Variants in OSBPL5 observed in about 807,000 individuals in gnomAD.
The protein encoded by OSBPL5 is oxysterol-binding protein-related protein 5.
In OSBPL5, 71 loss-of-function variants were observed where a neutral mutation model predicts 111.2. The observed-to-expected ratio is 0.64, with a 90% confidence interval of 0.53 to 0.78. OSBPL5 has a LOEUF of 0.78. OSBPL5 is among the 30% of genes least tolerant of loss of function. The pLI is 0.00. For missense variants in OSBPL5, 1,210 were observed against 1,189.3 expected (o/e 1.02, Z -0.26); for synonymous variants, 549 against 513.9 (o/e 1.07, Z -0.93).
At chr11:3,094,831 T>C (rs547385883) in intron 14 of OSBPL5, 130 of 153,598 alleles carry the variant, frequency 8.5e-4, no homozygotes, top group Non-Finnish European at 1.5e-3. Flanking sequence ...CCAGCACCCA[T>C]GATGGCATCC....
At chr11:3,155,089 C>G (rs555935338) in intron 1 of OSBPL5, among the ~76,000 whole-genome samples, 2 of 152,100 alleles carry the variant, frequency 1.3e-5, no homozygotes, top group Non-Finnish European at 2.9e-5. Context: ...TGACAAGGAG[C>G]GAGGCCTCAG....
intron 19 of OSBPL5, among the ~76,000 whole-genome samples, chr11:3,091,957 T>C (rs1194659860): frequency 6.6e-6 from 1 of 152,148 alleles, no homozygotes; most frequent in African/African-American, 2.4e-5. Context: ...TGGCGCCACC[T>C]GGTGGCCGCC....
intron 1 of OSBPL5, among the ~76,000 whole-genome samples, chr11:3,149,486 G>A (rs1183351140): frequency 6.6e-6 from 1 of 152,230 alleles, no homozygotes; most frequent in Non-Finnish European, 1.5e-5. Context: ...CAGAGTGCTT[G>A]CCGCTCCATG....
At chr11:3,153,050 G>C (rs1846640790) in intron 1 of OSBPL5, among the ~76,000 whole-genome samples, 2 of 152,066 alleles carry the variant, frequency 1.3e-5, no homozygotes, top group African/African-American at 2.4e-5. Flanking sequence ...TGAGTACAGG[G>C]AGAAACAGCC....
chr11:3,111,959 GTGTGTGTGTGCATA>G lies in OSBPL5; in HGVS notation c.692-4028_692-4015del, dbSNP rs1179602000. On this transcript the variant is annotated intron_variant, in intron 7 of 21. Coordinates refer to ENST00000263650, the MANE Select transcript of OSBPL5 (RefSeq NM_020896.4). ...TGAAAAGCTAACATCCAAGCTGTGT[GTGTGTGTGTGCATA>G]TGTGTGCGCGCATGTGTGTGCATGT... 2.3e-3 allele frequency among the ~76,000 whole-genome samples: 351 copies of G among 149,424 alleles called. 2 individuals are homozygous for G. Among genetic ancestry groups the G allele is most frequent in the Non-Finnish European group, 2.7e-3 (179 of 67,044 alleles).
chr11:3,095,419 G>A (rs754872196), intron 14 of OSBPL5, among the ~76,000 whole-genome samples: 5 of 152,114 alleles, frequency 3.3e-5, no homozygotes, highest in Admixed American at 6.6e-5. Flanking sequence ...TGGAGCTCCC[G>A]GGAGAAATGG....
rs571948924 is a variant in OSBPL5 at position 3,141,706 on chromosome 11, G to C, written c.-21-12537C>G. On this transcript the variant is annotated intron_variant, in intron 1 of 21. Coordinates refer to ENST00000263650, the MANE Select transcript of OSBPL5 (RefSeq NM_020896.4). The surrounding 1 kb of genome is among the most constrained non-coding windows in gnomAD (Gnocchi z 6.5). ...TTCTCATGCATCCCAGTGCTTTGCC[G>C]AGGTGCCTACGCCACCCTTGCATGT... Among the ~76,000 whole-genome samples, 1 of 152,094 alleles carries C rather than the reference G, an allele frequency of 6.6e-6. No homozygotes were observed. The highest frequency in any genetic ancestry group is 1.9e-4 in the East Asian group (1 of 5,180).
Position 3,092,836 on chromosome 11 carries a change from C to A in OSBPL5, c.2132+31G>T, listed in dbSNP as rs1196608416. ...CCCGTCTGCTAGGCCCAGCCCCACC[C>A]TGTGGCCCCCAGGGCTTTGTCGGCA... On this transcript the variant is annotated intron_variant, in intron 18 of 21. Coordinates refer to ENST00000263650, the MANE Select transcript of OSBPL5 (RefSeq NM_020896.4). The surrounding 1 kb of genome is among the most constrained non-coding windows in gnomAD (Gnocchi z 5.4). 1 of 1,502,552 alleles carries A rather than the reference C, an allele frequency of 6.7e-7. No individual in the cohort carries two copies. Among genetic ancestry groups the A allele is most frequent in the Non-Finnish European group, 9.0e-7 (1 of 1,117,150 alleles). 93.1% of individuals were successfully genotyped at this position (1,502,552 alleles called of 1,614,324 possible). A position where few individuals can be genotyped will look rare whatever the true frequency, so the allele number is the denominator to read the frequency against.
chr11:3,102,774 G>A (rs1004041482), intron 11 of OSBPL5, among the ~76,000 whole-genome samples: 6 of 152,186 alleles, frequency 3.9e-5, no homozygotes, highest in African/African-American at 1.4e-4. Context: ...TGGGGTCAGG[G>A]GAGCTGCGGG....
intron 1 of OSBPL5, among the ~76,000 whole-genome samples, chr11:3,159,780 G>T (rs1846897957): frequency 6.6e-6 from 1 of 152,144 alleles, no homozygotes. Context: ...AGCCCATAGG[G>T]GTGGGGTAGG....
chr11:3,151,877 C>G (rs1846603580), intron 1 of OSBPL5, among the ~76,000 whole-genome samples: 1 of 152,258 alleles, frequency 6.6e-6, no homozygotes, highest in African/African-American at 2.4e-5. Flanking sequence ...CTGCCTGTTC[C>G]TCCGGCTGCT....
intron 14 of OSBPL5, among the ~76,000 whole-genome samples, chr11:3,098,495 ATTTTTT>A (rs552382553): frequency 1.6e-3 from 130 of 81,200 alleles, no homozygotes; most frequent in Middle Eastern, 8.2e-3. Context: ...ACATGAAGGA[ATTTTTT>A]TTTTTTTTTT....
intron 20 of OSBPL5, 77 bp from the exon 21 acceptor site, chr11:3,090,025 G>T: frequency 8.5e-7 from 1 of 1,175,860 alleles, no homozygotes. Context: ...GGGCTGGCAC[G>T]TGGGTCACAG....
intron 10 of OSBPL5, among the ~76,000 whole-genome samples, chr11:3,103,798 C>A (rs550382837): frequency 2.0e-4 from 9 of 45,408 alleles, no homozygotes; most frequent in Non-Finnish European, 3.0e-4. Context: ...CTTCCTGCCT[C>A]TGCAGCCCTC....
intron 1 of OSBPL5, among the ~76,000 whole-genome samples, chr11:3,134,477 C>G (rs535652306): frequency 2.9e-4 from 44 of 152,202 alleles, no homozygotes; most frequent in Non-Finnish European, 5.0e-4. Context: ...CACTCCCCAG[C>G]CTGTGAAGGC....
chr11:3,158,088 C>T (rs1242640180), intron 1 of OSBPL5, among the ~76,000 whole-genome samples: 1 of 152,260 alleles, frequency 6.6e-6, no homozygotes, highest in Non-Finnish European at 1.5e-5. Flanking sequence ...GCCTCAGCCT[C>T]AGGTTTCCAG....
At chr11:3,137,593 G>C (rs764632076) in intron 1 of OSBPL5, among the ~76,000 whole-genome samples, 14 of 152,140 alleles carry the variant, frequency 9.2e-5, no homozygotes, top group Non-Finnish European at 2.1e-4. Flanking sequence ...CGGGTGGATC[G>C]CTTGAGCCTA....
chr11:3,150,795 T>C lies in OSBPL5; in HGVS notation c.-22+14421A>G, dbSNP rs571375824. Among the ~76,000 whole-genome samples the C allele has an allele frequency of 2.0e-5, 3 of 151,890 alleles. No homozygotes were observed. In the East Asian group the frequency reaches 5.9e-4, roughly 30 times the overall value. On this transcript the variant is annotated intron_variant, in intron 1 of 21. Transcript: ENST00000263650. ...TGAAAAACCCCCTGCTCCCTAGAAC[T>C]AAACACGACTGTGATCACGCACGCC...
intron 7 of OSBPL5, among the ~76,000 whole-genome samples, chr11:3,112,015 A>ATGTGTGTATG (rs1564837244): frequency 3.2e-4 from 25 of 79,096 alleles, no homozygotes; most frequent in Non-Finnish European, 5.8e-4. Flanking sequence ...GTGTGCGCGC[A>ATGTGTGTATG]TGTGTGTGCA....
Sources: gnomAD v4.1 joint callset for allele counts (sites outside exome capture counted in the v4.1 genomes callset) on GRCh38, gnomAD v4.1.1 for gene constraint, Gnocchi (gnomAD v3.1) non-coding constraint, MANE v1.5 for transcripts, NCBI Gene and HGNC (gene_info 2026-07-23, HGNC 2026-07-21) for gene names.